The following TRPC4 variants were observed in gnomAD, a reference collection of about 807,000 sequenced individuals.
TRPC4 encodes the protein short transient receptor potential channel 4.
A neutral mutation model predicts 99.4 loss-of-function variants in TRPC4; 49 were observed. That is an observed-to-expected ratio of 0.49 (90% CI 0.39 to 0.63). The LOEUF (loss-of-function observed/expected upper bound fraction) is 0.63. Ranked by LOEUF, TRPC4 falls within the 20% of genes least tolerant of loss-of-function variation. The pLI is 0.00. For missense variants in TRPC4, 898 were observed against 1,152.9 expected, an observed-to-expected ratio of 0.78 and a Z score of 3.20; for synonymous variants, 454 against 425.9, an observed-to-expected ratio of 1.07 and a Z score of -0.81.
At chr13:37,830,757 A>G (rs1327533451) in intron 1 of TRPC4, among the ~76,000 whole-genome samples, 1 of 148,374 alleles carries the variant, frequency 6.7e-6, no homozygotes, top group Non-Finnish European at 1.5e-5. Flanking sequence ...TTAAAAATCT[A>G]TGGTGGTATA....
intron 3 of TRPC4, among the ~76,000 whole-genome samples, chr13:37,718,509 G>A (rs948706612): frequency 6.6e-6 from 1 of 151,972 alleles, no homozygotes; most frequent in Non-Finnish European, 1.5e-5. Flanking sequence ...TTATAACTAA[G>A]CTCAAGATGG....
At chr13:37,727,558 T>A (rs1420273291) in intron 3 of TRPC4, among the ~76,000 whole-genome samples, 1 of 151,658 alleles carries the variant, frequency 6.6e-6, no homozygotes, top group East Asian at 1.9e-4. Context: ...GGAAATAAGA[T>A]GAAAGCAGAG....
intron 2 of TRPC4, among the ~76,000 whole-genome samples, chr13:37,771,358 C>T (rs1437194477): frequency 6.6e-6 from 1 of 151,786 alleles, no homozygotes; most frequent in Non-Finnish European, 1.5e-5. Flanking sequence ...CCTTGCTGCT[C>T]TGCTATAGCA....
chr13:37,842,980 A>G (rs2139647154), intron 1 of TRPC4, among the ~76,000 whole-genome samples: 1 of 152,372 alleles, frequency 6.6e-6, no homozygotes, highest in South Asian at 2.1e-4. Context: ...ACAAGATATC[A>G]TACCTGCTAA....
At chr13:37,788,204 C>G (rs1957020685) in intron 1 of TRPC4, among the ~76,000 whole-genome samples, 1 of 152,138 alleles carries the variant, frequency 6.6e-6, no homozygotes, top group Non-Finnish European at 1.5e-5. Flanking sequence ...TCCCATTTCT[C>G]TAATATTTCA....
intron 1 of TRPC4, among the ~76,000 whole-genome samples, chr13:37,796,965 A>AAAAT (rs1350307830): frequency 6.8e-6 from 1 of 146,752 alleles, no homozygotes; most frequent in African/African-American, 2.5e-5. Context: ...AAAATAAAAT[A>AAAAT]AAATAAAGTA....
Position 37,636,931 on chromosome 13 carries a change from T to A in TRPC4, c.2906A>T (p.His969Leu), listed in dbSNP as rs756263073. The change falls in exon 11 of 11, where the codon CAC (histidine) becomes CTC (leucine). Residue 969 changes from histidine to leucine, a missense_variant. This residue lies in a region of TRPC4 where 346 missense variants were observed against 351.4 expected (regional missense o/e 0.98). Transcript: ENST00000379705. Reference protein sequence around the residue: ...YDLNLPDTVTHEDYVTTRL With the variant: ...YDLNLPDTVTLEDYVTTRL ...CAATCTTGTGGTCACGTAATCTTCGTGGGTGACTGTGTCTGGGAGGTTTAG... is the reference window on the plus strand; with the variant it reads ...CAATCTTGTGGTCACGTAATCTTCGAGGGTGACTGTGTCTGGGAGGTTTAG... The A allele has an allele frequency of 4.3e-6, 7 of 1,612,586 alleles. No homozygotes were observed. The highest frequency in any genetic ancestry group is 5.9e-6 in the Non-Finnish European group (7 of 1,179,184).
chr13:37,688,612 G>A (rs565394804), intron 4 of TRPC4, among the ~76,000 whole-genome samples: 2 of 152,278 alleles, frequency 1.3e-5, no homozygotes, highest in Admixed American at 6.5e-5. Flanking sequence ...GAGGTATAAA[G>A]TGATCATTTC....
At chr13:37,686,059 G>T (rs1268856929) in intron 4 of TRPC4, among the ~76,000 whole-genome samples, 2 of 152,118 alleles carry the variant, frequency 1.3e-5, no homozygotes, top group Non-Finnish European at 2.9e-5. Context: ...TGTGTCTGAA[G>T]CTAGTTTGCT....
At chr13:37,690,609 T>C (rs1261011681) in intron 4 of TRPC4, among the ~76,000 whole-genome samples, 1 of 152,200 alleles carries the variant, frequency 6.6e-6, no homozygotes. Context: ...CTGACCCTTT[T>C]TTCTAATTTA....
At chr13:37,774,282 G>T (rs1300059545) in intron 2 of TRPC4, among the ~76,000 whole-genome samples, 3 of 151,716 alleles carry the variant, frequency 2.0e-5, no homozygotes, top group African/African-American at 7.3e-5. Flanking sequence ...CCTTCAGAAA[G>T]CTGTATTCTG....
At chr13:37,751,343 C>T (rs1955927649) in intron 2 of TRPC4, among the ~76,000 whole-genome samples, 1 of 151,860 alleles carries the variant, frequency 6.6e-6, no homozygotes, top group South Asian at 2.1e-4. Context: ...TCAAAATATA[C>T]ACAAATGTAG....
chr13:37,744,428 A>C (rs1280508616), intron 3 of TRPC4, among the ~76,000 whole-genome samples: 1 of 152,206 alleles, frequency 6.6e-6, no homozygotes, highest in Non-Finnish European at 1.5e-5. Flanking sequence ...ACAAGGACTC[A>C]AAATAGCAAA....
chr13:37,775,804 AT>A (rs5802900), intron 2 of TRPC4, among the ~76,000 whole-genome samples: 34,511 of 148,854 alleles, frequency 0.23, 4,044 homozygotes, highest in Admixed American at 0.28. Context: ...GTGTTATCTG[AT>A]TTTTTTTTTG....
At chr13:37,651,074 GA>G (rs1265942708) in intron 8 of TRPC4, among the ~76,000 whole-genome samples, 190 bp downstream of exon 8, 3 of 152,132 alleles carry the variant, frequency 2.0e-5, no homozygotes, top group Non-Finnish European at 2.9e-5. Context: ...CTCGATGCAG[GA>G]AATTCACTTG....
chr13:37,635,712 T>G lies in TRPC4; in HGVS notation c.*1191A>C, dbSNP rs1335730964. Among the ~76,000 whole-genome samples the G allele has an allele frequency of 3.3e-5, 5 of 152,132 alleles. No individual in the cohort carries two copies. The highest frequency in any genetic ancestry group is 3.3e-4 in the Admixed American group (5 of 15,258). On this transcript the variant is annotated 3_prime_UTR_variant, in exon 11 of 11. Transcript: ENST00000379705. ...CTTTAAGTTTCTAGTATCAATTTTA[T>G]GTAAGTTGCGAACACTTTCCTTGTA...
At chr13:37,791,397 A>AT (rs776402682) in intron 1 of TRPC4, among the ~76,000 whole-genome samples, 6,774 of 93,994 alleles carry the variant, frequency 0.072, 585 homozygotes, top group African/African-American at 0.23. Flanking sequence ...CTCTGTCTCA[A>AT]TAAAAAAAAA....
In TRPC4 at chr13:37,633,727, G is replaced by A. The variant is rs1374928746; in HGVS notation, c.*3176C>T. Among the ~76,000 whole-genome samples, 2 of 152,010 alleles carry A rather than the reference G, an allele frequency of 1.3e-5. No individual in the cohort carries two copies. Among genetic ancestry groups the A allele is most frequent in the African/African-American group, 4.8e-5 (2 of 41,392 alleles). On this transcript the variant is annotated 3_prime_UTR_variant, in exon 11 of 11. Coordinates refer to ENST00000379705, the MANE Select transcript of TRPC4 (RefSeq NM_016179.4). Reference sequence around the variant, plus strand: ...TAGTTTAATTGCCATCCAGTAAATAGAGTAACTAATTTAAGAAAATTTGAT... The same window carrying A: ...TAGTTTAATTGCCATCCAGTAAATAAAGTAACTAATTTAAGAAAATTTGAT...
chr13:37,677,079 A>G (rs1025118292), intron 4 of TRPC4, among the ~76,000 whole-genome samples: 9 of 152,094 alleles, frequency 5.9e-5, no homozygotes, highest in African/African-American at 2.2e-4. Flanking sequence ...AGCACAGAAG[A>G]TGAGAATTAC....
Sources: gnomAD v4.1 joint callset for allele counts (sites outside exome capture counted in the v4.1 genomes callset) on GRCh38, gnomAD v4.1.1 for gene constraint, gnomAD v4.1.1 regional missense constraint, MANE v1.5 for transcripts, NCBI Gene and HGNC (gene_info 2026-07-23, HGNC 2026-07-21) for gene names.